PRSS56: variants seen among roughly 807,000 people sequenced by gnomAD.
The protein encoded by PRSS56 is protease, serine 56.
In PRSS56, 55 loss-of-function variants were observed where a neutral mutation model predicts 66.8. The ratio of observed to expected loss-of-function variants is 0.82; its 90% CI spans 0.66 to 1.03. The LOEUF is 1.03. Among genes scored for constraint, PRSS56 ranks in the 50% least tolerant of loss-of-function variants. The pLI is 0.00. For missense variants in PRSS56, 869 were observed against 837.2 expected, an observed-to-expected ratio of 1.04 and a Z score of -0.47; for synonymous variants, 409 against 387.9, an observed-to-expected ratio of 1.05 and a Z score of -0.64.
At chr2:232,522,445 C>G in intron 4 of PRSS56, 70 bp from the exon 5 acceptor site, 1 of 1,324,292 alleles carries the variant, frequency 7.6e-7, no homozygotes, top group Non-Finnish European at 1.0e-6. Context: ...GGCGGAGGGG[C>G]AGGGTCTCCG....
Position 232,521,910 on chromosome 2 carries a change from G to C in PRSS56, c.256+44G>C, listed in dbSNP as rs1346511151. 3 of 1,527,958 alleles carry C rather than the reference G, an allele frequency of 2.0e-6. No homozygotes were observed. In the East Asian group the frequency reaches 7.4e-5, roughly 38 times the overall value. The allele number at this position is 1,527,958 out of a possible 1,614,324, so 94.7% of individuals were successfully genotyped here. ...GAGGGGGCAGGCCTGAGAGCCGGGTGGGCCTCGAAGGCGAGGATGGCCAGA... is the reference window on the plus strand; with the variant it reads ...GAGGGGGCAGGCCTGAGAGCCGGGTCGGCCTCGAAGGCGAGGATGGCCAGA... On this transcript the variant is annotated intron_variant, in intron 3 of 12. Transcript: ENST00000617714.
chr2:232,524,637 T>A, intron 11 of PRSS56, 101 bp from the exon 12 acceptor site: 1 of 813,464 alleles, frequency 1.2e-6, no homozygotes, highest in Non-Finnish European at 1.9e-6. Flanking sequence ...AGAGGATAAG[T>A]GTGTCCCCTG....
Position 232,523,081 on chromosome 2 carries a change from TGA to T in PRSS56, c.734_735del (p.Glu245GlyfsTer35). ...GCAGACGGGCCTGAGGCTGAAGCAG[TGA>T]GAGAGGCCCGTGTTCCCCTGCTCAG... is the stretch of plus-strand genomic sequence containing the variant. On this transcript the variant is annotated frameshift_variant, in exon 7 of 13. Transcript: ENST00000617714. LOFTEE classifies it high-confidence loss of function. 7 of 1,534,894 alleles carry T rather than the reference TGA, an allele frequency of 4.6e-6. No individual in the cohort carries two copies. Among genetic ancestry groups the T allele is most frequent in the Non-Finnish European group, 6.1e-6 (7 of 1,146,268 alleles).
At position 232,523,146 on chromosome 2, in the gene PRSS56, C is replaced by T. The variant is rs1410523946; in HGVS notation, c.793C>T (p.Arg265Cys). Residue 265 changes from arginine to cysteine, a missense_variant, in exon 7 of 13, where the codon CGC becomes TGC. Arg to Cys is a radical substitution (Grantham distance 180). Coordinates refer to ENST00000617714, the MANE Select transcript of PRSS56 (RefSeq NM_001195129.2). Reference sequence around the variant, plus strand: ...CCGAAGAGCCCTGGGGCCCGGGCTGCGCCCCAGCACCATGCTCTGCGCCGG... The same window carrying T: ...CCGAAGAGCCCTGGGGCCCGGGCTGTGCCCCAGCACCATGCTCTGCGCCGG... ...TCRRALGPGL[R>C]PSTMLCAGYL... 7 of 1,525,764 alleles carry T rather than the reference C, an allele frequency of 4.6e-6. No individual in the cohort carries two copies. In the African/African-American group the frequency reaches 6.9e-5, roughly 15 times the overall value. 94.5% of individuals were successfully genotyped at this position (1,525,764 alleles called of 1,614,324 possible).
rs747041061 is a variant in PRSS56 at position 232,520,623 on chromosome 2, C to T, written c.25C>T (p.Leu9=). 29 of 1,535,996 alleles carry T rather than the reference C, an allele frequency of 1.9e-5. No homozygotes were observed. In the South Asian group the frequency reaches 3.0e-4, roughly 16 times the overall value. ...CATGCTGCTGGCTGTGCTGCTGCTGCTACCCCTCCCAAGCTCATGGTTTGC... is the reference window on the plus strand; with the variant it reads ...CATGCTGCTGGCTGTGCTGCTGCTGTTACCCCTCCCAAGCTCATGGTTTGC... MLLAVLLL[L]PLPSSWFAHG... is the part of the protein sequence containing the mutation. The change falls in exon 1 of 13, where the codon CTA becomes TTA. Residue 9 remains leucine (L), a synonymous_variant. Coordinates refer to ENST00000617714, the MANE Select transcript of PRSS56 (RefSeq NM_001195129.2).
rs576461097 is a variant in PRSS56 at position 232,525,326 on chromosome 2, G to A, written c.1632G>A (p.Pro544=). 23 of 1,527,644 alleles carry A rather than the reference G, an allele frequency of 1.5e-5. No individual in the cohort carries two copies. The highest frequency in any genetic ancestry group is 2.7e-5 in the African/African-American group (2 of 72,950). 94.6% of individuals were successfully genotyped at this position (1,527,644 alleles called of 1,614,324 possible). Residue 544 remains proline (P), a synonymous_variant, in exon 13 of 13, where the codon CCG becomes CCA. Transcript: ENST00000617714. ...TCAGCGGCCTGGTGGGCCTGGAGCC[G>A]GCCACACTGGCTCGCAGCCTCCCCC... ...VAFSGLVGLE[P]ATLARSLPRL... is the part of the protein sequence containing the mutation.
At chr2:232,522,432 G>A in intron 4 of PRSS56, 83 bp from the exon 5 acceptor site, 2 of 1,232,884 alleles carry the variant, frequency 1.6e-6, no homozygotes, top group Non-Finnish European at 2.2e-6. Flanking sequence ...AGCCCGGCAT[G>A]CGGGCGGAGG....
chr2:232,521,487 C>A, intron 2 of PRSS56, 59 bp downstream of exon 2: 1 of 1,323,772 alleles, frequency 7.6e-7, no homozygotes, highest in Non-Finnish European at 1.0e-6. Context: ...GCCCATTCTG[C>A]TGCCTCTGTC....
chr2:232,523,887 C>G lies in PRSS56; in HGVS notation c.1128C>G (p.Ser376=). 1 of 1,525,456 alleles carries G rather than the reference C, an allele frequency of 6.6e-7. No individual in the cohort carries two copies. Among genetic ancestry groups the G allele is most frequent in the Non-Finnish European group, 8.8e-7 (1 of 1,141,516 alleles). The allele number at this position is 1,525,456 out of a possible 1,614,324, so 94.5% of individuals were successfully genotyped here. Residue 376 remains serine (S), a synonymous_variant, in exon 9 of 13, where the codon TCC becomes TCG. Coordinates refer to ENST00000617714, the MANE Select transcript of PRSS56 (RefSeq NM_001195129.2). ...TCTATGCCCGCCTGTGCCCGGGGTCCCAGGGCGCCTGTGCGCGCCTGGCGC... is the reference window on the plus strand; with the variant it reads ...TCTATGCCCGCCTGTGCCCGGGGTCGCAGGGCGCCTGTGCGCGCCTGGCGC... The part of the protein sequence containing the change: ...CAFYARLCPG[S]QGACARLAHQ...
intron 1 of PRSS56, 43 bp downstream of exon 1, chr2:232,520,738 G>A (rs1691259341): frequency 5.2e-6 from 7 of 1,348,878 alleles, no homozygotes; most frequent in Non-Finnish European, 7.1e-6. Flanking sequence ...TGGGAGGAAT[G>A]TAGAGGAAGT....
In PRSS56 at chr2:232,525,436, A is replaced by T. The variant is rs780295072; in HGVS notation, c.1742A>T (p.Gln581Leu). Residue 581 changes from glutamine (Q) to leucine (L), a missense_variant, in exon 13 of 13, where the codon CAG (glutamine) becomes CTG (leucine). Physicochemically the swap from Gln to Leu is moderately radical, Grantham distance 113. Around this residue, in one of 3 missense-constraint regions of PRSS56, gnomAD observed 551 missense variants for 506.9 expected, o/e 1.09. Coordinates refer to ENST00000617714, the MANE Select transcript of PRSS56 (RefSeq NM_001195129.2). Reference sequence around the variant, plus strand: ...GAGGGACCCTGGATGGATGTAGGGCAGGGGCCCGGGCTGGAGAGGAAGGGG... The same window carrying T: ...GAGGGACCCTGGATGGATGTAGGGCTGGGGCCCGGGCTGGAGAGGAAGGGG... ...EPEGPWMDVG[Q>L]GPGLERKGHH... is the part of the protein sequence containing the mutation. The T allele has an allele frequency of 6.5e-7, 1 of 1,531,272 alleles. No homozygotes were observed. Among genetic ancestry groups the T allele is most frequent in the Non-Finnish European group, 8.7e-7 (1 of 1,144,216 alleles). The allele number at this position is 1,531,272 out of a possible 1,614,324, so 94.9% of individuals were successfully genotyped here.
rs555220086 is a variant in PRSS56 at position 232,523,685 on chromosome 2, G to A, written c.1013-87G>A. The A allele has an allele frequency of 2.6e-6, 4 of 1,521,790 alleles. No homozygotes were observed. In the South Asian group the frequency reaches 4.8e-5, roughly 18 times the overall value. 94.3% of individuals were successfully genotyped at this position (1,521,790 alleles called of 1,614,324 possible). A position where few individuals can be genotyped will look rare whatever the true frequency, so the allele number is the denominator to read the frequency against. Reference sequence around the variant, plus strand: ...CCCATTCCCAGCTCCCTTCTGCCTCGGGAAAGCCTGTCTCCTTCCGGGGAA... The same window carrying A: ...CCCATTCCCAGCTCCCTTCTGCCTCAGGAAAGCCTGTCTCCTTCCGGGGAA... On this transcript the variant is annotated intron_variant, in intron 8 of 12. Coordinates refer to ENST00000617714, the MANE Select transcript of PRSS56 (RefSeq NM_001195129.2).
At position 232,524,215 on chromosome 2, in the gene PRSS56, C is replaced by T; in HGVS notation, c.1351+12C>T. The T allele has an allele frequency of 6.5e-7, 1 of 1,533,214 alleles. No individual in the cohort carries two copies. The highest frequency in any genetic ancestry group is 8.7e-7 in the Non-Finnish European group (1 of 1,145,426). 95.0% of individuals were successfully genotyped at this position (1,533,214 alleles called of 1,614,324 possible). A position where few individuals can be genotyped will look rare whatever the true frequency, so the allele number is the denominator to read the frequency against. Reference sequence around the variant, plus strand: ...GCGGCTTCACTCAGGTACCCCGCGCCCTCCAGCCCAGCCCAGCCCTGGCCC... The same window carrying T: ...GCGGCTTCACTCAGGTACCCCGCGCTCTCCAGCCCAGCCCAGCCCTGGCCC... On this transcript the variant is annotated intron_variant, in intron 10 of 12. Transcript: ENST00000617714.
intron 11 of PRSS56, 72 bp downstream of exon 11, chr2:232,524,441 C>G: frequency 6.9e-7 from 1 of 1,439,284 alleles, no homozygotes; most frequent in East Asian, 2.5e-5. Context: ...AGCGCTTCTA[C>G]TGCAGCTCCG....
At position 232,521,860 on chromosome 2, in the gene PRSS56, G is replaced by A. The variant is rs1296719017; in HGVS notation, c.250G>A (p.Glu84Lys). The part of the protein sequence containing the change: ...RPQALLQDPP[E>K]PGPCGERRPS... ...TCAAGCTCTCCTCCAGGACCCACCTGAGCCAGGTGAGGTTGAAAAGGCTCG... is the reference window on the plus strand; with the variant it reads ...TCAAGCTCTCCTCCAGGACCCACCTAAGCCAGGTGAGGTTGAAAAGGCTCG... Residue 84 changes from glutamate (E) to lysine (K), a missense_variant, in exon 3 of 13, where the codon GAG becomes AAG. This residue lies in a region of PRSS56 where 315 missense variants were observed against 313.7 expected (regional missense o/e 1.00). Coordinates refer to ENST00000617714, the MANE Select transcript of PRSS56 (RefSeq NM_001195129.2). 2.0e-6 allele frequency: 3 copies of A among 1,535,780 alleles called. No individual in the cohort carries two copies. The highest frequency in any genetic ancestry group is 1.4e-5 in the African/African-American group (1 of 73,056).
intron 1 of PRSS56, among the ~76,000 whole-genome samples, chr2:232,520,963 C>T (rs946602030): frequency 3.3e-5 from 5 of 152,196 alleles, no homozygotes; most frequent in Admixed American, 1.3e-4. Flanking sequence ...CGGGGCAGCA[C>T]CCTGCCCTTG....
In PRSS56 at chr2:232,525,175, G is replaced by A. The variant is rs1038229644; in HGVS notation, c.1522-41G>A. ...TGACCTCTGGGGTTTCAACTCAGGA[G>A]TGAGTTTCTGGGCCCCTGATCCCCA... is the stretch of plus-strand genomic sequence containing the variant. On this transcript the variant is annotated intron_variant, in intron 12 of 12. Transcript: ENST00000617714. 19 of 1,433,904 alleles carry A rather than the reference G, an allele frequency of 1.3e-5. No homozygotes were observed. In the African/African-American group the frequency reaches 2.7e-4, roughly 21 times the overall value. 88.8% of individuals were successfully genotyped at this position (1,433,904 alleles called of 1,614,324 possible).
In PRSS56 at chr2:232,522,036, G is replaced by C. The variant is rs982582563; in HGVS notation, c.322G>C (p.Gly108Arg). 1.4e-6 allele frequency: 2 copies of C among 1,474,840 alleles called. No homozygotes were observed. Among genetic ancestry groups the C allele is most frequent in the South Asian group, 1.3e-5 (1 of 74,170 alleles). The allele number at this position is 1,474,840 out of a possible 1,614,324, so 91.4% of individuals were successfully genotyped here. ...VTRAHGRIVG[G>R]SAAPPGAWPW... ...GCGGGCCCACGGCCGCATCGTGGGGGGCAGCGCGGCGCCGCCCGGGGCCTG... is the reference window on the plus strand; with the variant it reads ...GCGGGCCCACGGCCGCATCGTGGGGCGCAGCGCGGCGCCGCCCGGGGCCTG... The change falls in exon 4 of 13, where the codon GGC becomes CGC. Residue 108 changes from glycine to arginine, a missense_variant. Gly to Arg is a moderately radical substitution (Grantham distance 125, BLOSUM62 -2). Coordinates refer to ENST00000617714, the MANE Select transcript of PRSS56 (RefSeq NM_001195129.2).
Position 232,522,720 on chromosome 2 carries a change from C to A in PRSS56, c.565C>A (p.His189Asn). ...PHPKFDPRTFHNDLALVQLWT... is the reference protein window; with the variant it reads ...PHPKFDPRTFNNDLALVQLWT... ...TCCTCAGTTTGACCCGCGGACCTTCCACAACGACCTGGCCCTGGTGCAGCT... is the reference window on the plus strand; with the variant it reads ...TCCTCAGTTTGACCCGCGGACCTTCAACAACGACCTGGCCCTGGTGCAGCT... The change falls in exon 6 of 13, where the codon CAC becomes AAC. Residue 189 changes from histidine (H) to asparagine (N), a missense_variant. His to Asn is a moderately conservative substitution (Grantham distance 68, BLOSUM62 1). Around this residue, in one of 3 missense-constraint regions of PRSS56, gnomAD observed 315 missense variants for 313.7 expected, o/e 1.00. Coordinates refer to ENST00000617714, the MANE Select transcript of PRSS56 (RefSeq NM_001195129.2). The A allele has an allele frequency of 4.6e-6, 7 of 1,534,636 alleles. No homozygotes were observed. Among genetic ancestry groups the A allele is most frequent in the Non-Finnish European group, 5.2e-6 (6 of 1,146,032 alleles).
Sources: gnomAD v4.1 joint callset for allele counts (sites outside exome capture counted in the v4.1 genomes callset) on GRCh38, gnomAD v4.1.1 for gene constraint, gnomAD v4.1.1 regional missense constraint, MANE v1.5 for transcripts, NCBI Gene and HGNC (gene_info 2026-07-23, HGNC 2026-07-21) for gene names.